Variants in GLUL observed in about 807,000 individuals in gnomAD.
GLUL encodes the protein glutamine synthetase.
In GLUL, 8 loss-of-function variants were observed where a neutral mutation model predicts 36.9. That is an observed-to-expected ratio of 0.22 (90% confidence interval 0.13 to 0.39). The LOEUF (loss-of-function observed/expected upper bound fraction) is 0.39, where lower values mean the gene tolerates loss of function less well. Ranked by LOEUF, GLUL falls within the 10% of genes least tolerant of loss-of-function variation. GLUL has a pLI of 1.00. For missense variants in GLUL, 315 were observed against 501.8 expected (o/e 0.63, Z 3.56); for synonymous variants, 182 against 172.8 (o/e 1.05, Z -0.42).
intron 6 of GLUL, chr1:182,385,129 G>C: frequency 2.1e-6 from 1 of 469,268 alleles, no homozygotes; most frequent in South Asian, 2.4e-5. Flanking sequence ...ATTTATCACT[G>C]TGAATCAGAA....
At chr1:182,386,820 T>C in intron 3 of GLUL, 4 of 481,238 alleles carry the variant, frequency 8.3e-6, no homozygotes, top group Non-Finnish European at 1.5e-5. Context: ...TTGAGAAACA[T>C]TTGTCCATTG....
At position 182,379,017 on chromosome 1, in the gene GLUL, A is replaced by T. The variant is rs1649829703; in HGVS notation, c.*5388T>A. On this transcript the variant is annotated 3_prime_UTR_variant, in exon 7 of 7. Coordinates refer to ENST00000331872, the MANE Select transcript of GLUL (RefSeq NM_001033044.4). ...GGCTGGTCTCAAACTCCTGACCTTA[A>T]GTGATCTGCCCACTTTGGCCTCCTA... Among the ~76,000 whole-genome samples the T allele has an allele frequency of 6.6e-6, 1 of 151,852 alleles. No individual in the cohort carries two copies. The highest frequency in any genetic ancestry group is 2.1e-4 in the South Asian group (1 of 4,820).
In GLUL at chr1:182,382,137, C is replaced by T. The variant is rs1395691708; in HGVS notation, c.*2268G>A. On this transcript the variant is annotated 3_prime_UTR_variant, in exon 7 of 7. Coordinates refer to ENST00000331872, the MANE Select transcript of GLUL (RefSeq NM_001033044.4). ...CCTTTTAAAAACAATCACTATTGCC[C>T]ACATTATTAGTAGTATTAATGCTAT... 1 of 152,158 alleles carries T rather than the reference C, an allele frequency of 6.6e-6. No homozygotes were observed. Among genetic ancestry groups the T allele is most frequent in the East Asian group, 1.9e-4 (1 of 5,198 alleles). 9.4% of individuals were successfully genotyped at this position (152,158 alleles called of 1,614,324 possible).
chr1:182,388,061 C>T (rs1189054970), intron 2 of GLUL, among the ~76,000 whole-genome samples: 1 of 152,210 alleles, frequency 6.6e-6, no homozygotes, highest in African/African-American at 2.4e-5. Context: ...CTAACTGTAG[C>T]TCCTAGAGGG....
At chr1:182,390,240 A>T in intron 1 of GLUL, 1 of 308,348 alleles carries the variant, frequency 3.2e-6, no homozygotes, top group Admixed American at 5.1e-5. Context: ...AAAAAAAAAA[A>T]ACCTACAACC....
chr1:182,388,542 C>A (rs753895381), intron 2 of GLUL, 30 bp downstream of exon 2: 4 of 1,604,064 alleles, frequency 2.5e-6, no homozygotes, highest in Non-Finnish European at 3.4e-6. Flanking sequence ...TCCCACCCAG[C>A]ATGTGCTCCA....
chr1:182,384,322 C>G lies in GLUL; in HGVS notation c.*83G>C. 1.1e-6 allele frequency: 1 copy of G among 943,374 alleles called. No individual in the cohort carries two copies. The highest frequency in any genetic ancestry group is 1.7e-6 in the Non-Finnish European group (1 of 585,676). The allele number at this position is 943,374 out of a possible 1,614,324, so 58.4% of individuals were successfully genotyped here. On this transcript the variant is annotated 3_prime_UTR_variant, in exon 7 of 7. Coordinates refer to ENST00000331872, the MANE Select transcript of GLUL (RefSeq NM_001033044.4). ...CCTTGATATTCCACCCTTTGAGTTA[C>G]AATCGGGACAACTGGGAGAGGGGGA...
chr1:182,387,112 T>G lies in GLUL; in HGVS notation c.328+19A>C. ...TTCACAGATTGAGGAGGGGTATCCA[T>G]AGCTGTGCTATAACACACCTGCAGG... On this transcript the variant is annotated intron_variant, in intron 3 of 6. Transcript: ENST00000331872. 5.0e-6 allele frequency: 8 copies of G among 1,593,056 alleles called. No individual in the cohort carries two copies. Among genetic ancestry groups the G allele is most frequent in the Non-Finnish European group, 6.9e-6 (8 of 1,161,172 alleles).
rs539119376 is a variant in GLUL, at chr1:182,382,918, T to C, written c.*1487A>G. The C allele has an allele frequency of 6.6e-6, 1 of 152,264 alleles. No homozygotes were observed. The highest frequency in any genetic ancestry group is 6.5e-5 in the Admixed American group (1 of 15,306). The allele number at this position is 152,264 out of a possible 1,614,324, so 9.4% of individuals were successfully genotyped here. ...ATCTTATGTTAGGCTGATTTATAAG[T>C]GCTGCTTTGGGCAGTTACACAGTTT... On this transcript the variant is annotated 3_prime_UTR_variant, in exon 7 of 7. Transcript: ENST00000331872.
intron 5 of GLUL, 23 bp downstream of exon 5, chr1:182,385,737 T>C: frequency 6.2e-7 from 1 of 1,613,812 alleles, no homozygotes. Context: ...CCTTCTTCAT[T>C]GATGGATTGG....
rs140151533 is a variant in GLUL, at chr1:182,384,923, T to C, written c.804-200A>G. 9.3e-4 allele frequency: 571 copies of C among 614,104 alleles called. 1 individual carries two copies. Among genetic ancestry groups the C allele is most frequent in the Non-Finnish European group, 1.5e-3 (509 of 343,652 alleles). The allele number at this position is 614,104 out of a possible 1,614,324, so 38.0% of individuals were successfully genotyped here. Reference sequence around the variant, plus strand: ...CTGTTTGTTGAAAAGACTAATCATTTGAAACTTTCTCCCCCTCATAAGCAT... The same window carrying C: ...CTGTTTGTTGAAAAGACTAATCATTCGAAACTTTCTCCCCCTCATAAGCAT... On this transcript the variant is annotated intron_variant, in intron 6 of 6. Transcript: ENST00000331872.
chr1:182,388,599 G>C lies in GLUL; in HGVS notation c.139C>G (p.Leu47Val), dbSNP rs750170583. 3 of 1,613,804 alleles carry C rather than the reference G, an allele frequency of 1.9e-6. No homozygotes were observed. Among genetic ancestry groups the C allele is most frequent in the Non-Finnish European group, 2.5e-6 (3 of 1,179,856 alleles). The change falls in exon 2 of 7, where the codon CTG becomes GTG. Residue 47 changes from leucine (L) to valine (V), a missense_variant. Coordinates refer to ENST00000331872, the MANE Select transcript of GLUL (RefSeq NM_001033044.4). ...GEGLRCKTRT[L>V]DSEPKCVEEL... ...TCCACACACTTGGGCTCACTGTCCA[G>C]GGTCCGGGTCTTGCAGCGCAGTCCT...
In GLUL at chr1:182,379,420, A is replaced by G. The variant is rs1051805377; in HGVS notation, c.*4985T>C. On this transcript the variant is annotated 3_prime_UTR_variant, in exon 7 of 7. Coordinates refer to ENST00000331872, the MANE Select transcript of GLUL (RefSeq NM_001033044.4). Reference sequence around the variant, plus strand: ...GTATTTTTAATAGAGACAAGGTTTCACCATGTTGGCCACGCTGGTCTCGAA... The same window carrying G: ...GTATTTTTAATAGAGACAAGGTTTCGCCATGTTGGCCACGCTGGTCTCGAA... 2.0e-5 allele frequency among the ~76,000 whole-genome samples: 3 copies of G among 151,976 alleles called. No homozygotes were observed. Among genetic ancestry groups the G allele is most frequent in the African/African-American group, 7.3e-5 (3 of 41,368 alleles).
At chr1:182,385,334 TG>T in intron 6 of GLUL, 22 bp downstream of exon 6, 1 of 1,569,374 alleles carries the variant, frequency 6.4e-7, no homozygotes, top group South Asian at 1.1e-5. Flanking sequence ...AGATTAAAGA[TG>T]GCCCCAGCAG....
chr1:182,384,802 A>G, intron 6 of GLUL, 79 bp from the exon 7 acceptor site: 1 of 1,001,134 alleles, frequency 1.0e-6, no homozygotes, highest in Non-Finnish European at 1.6e-6. Context: ...AAAATATGAT[A>G]CCAGTAGAAC....
At chr1:182,386,992 G>T in intron 3 of GLUL, 139 bp downstream of exon 3, 1 of 752,654 alleles carries the variant, frequency 1.3e-6, no homozygotes, top group East Asian at 2.6e-5. Context: ...CAGAAGTTCA[G>T]GGAAAAGAAT....
Position 182,381,405 on chromosome 1 carries a change from C to T in GLUL, c.*3000G>A, listed in dbSNP as rs1478218334. Among the ~76,000 whole-genome samples, 1 of 152,168 alleles carries T rather than the reference C, an allele frequency of 6.6e-6. No homozygotes were observed. Among genetic ancestry groups the T allele is most frequent in the Non-Finnish European group, 1.5e-5 (1 of 68,034 alleles). ...ATATTTAAGGAGTTCATGGAGACCT[C>T]CTTTTGTAAATACTGGCCTGACTCC... is the stretch of plus-strand genomic sequence containing the variant. On this transcript the variant is annotated 3_prime_UTR_variant, in exon 7 of 7. Coordinates refer to ENST00000331872, the MANE Select transcript of GLUL (RefSeq NM_001033044.4).
Position 182,384,229 on chromosome 1 carries a change from C to G in GLUL, c.*176G>C, listed in dbSNP as rs1650064973. On this transcript the variant is annotated 3_prime_UTR_variant, in exon 7 of 7. Coordinates refer to ENST00000331872, the MANE Select transcript of GLUL (RefSeq NM_001033044.4). ...AGGGTAGGTGTGAAGAAATTAATAA[C>G]TTGACCCCTCTATCCCAGCCAAACA... 1 of 641,726 alleles carries G rather than the reference C, an allele frequency of 1.6e-6. No individual in the cohort carries two copies. Among genetic ancestry groups the G allele is most frequent in the Non-Finnish European group, 2.8e-6 (1 of 356,354 alleles). 39.8% of individuals were successfully genotyped at this position (641,726 alleles called of 1,614,324 possible). A position where few individuals can be genotyped will look rare whatever the true frequency, so the allele number is the denominator to read the frequency against.
intron 3 of GLUL, chr1:182,386,881 A>T (rs1035634352): frequency 2.1e-5 from 12 of 560,864 alleles, no homozygotes; most frequent in African/African-American, 3.8e-5. Flanking sequence ...GTTACTGGGG[A>T]CTCCAAGACC....
Sources: allele counts gnomAD v4.1 joint callset (sites outside exome capture counted in the v4.1 genomes callset), GRCh38; gene constraint gnomAD v4.1.1; transcripts MANE v1.5; gene names NCBI Gene and HGNC (gene_info 2026-07-23, HGNC 2026-07-21).